ARHGEF10L: variants seen among roughly 807,000 people sequenced by gnomAD.
The protein encoded by ARHGEF10L is Rho guanine nucleotide exchange factor 10 like.
ARHGEF10L carries 69 observed loss-of-function variants against 141.2 expected under a neutral mutation model. That is an observed-to-expected ratio of 0.49 (90% CI 0.40 to 0.60). The LOEUF is 0.60. ARHGEF10L is among the 20% of genes least tolerant of loss of function. ARHGEF10L has a pLI of 0.00. For synonymous variants in ARHGEF10L, 711 were observed against 718.5 expected, an observed-to-expected ratio of 0.99 and a Z score of 0.17; for missense variants, 1,482 against 1,734.3, an observed-to-expected ratio of 0.85 and a Z score of 2.58.
In ARHGEF10L at chr1:17,623,110, G is replaced by A. The variant is rs148614735; in HGVS notation, c.1135G>A (p.Ala379Thr). The A allele has an allele frequency of 1.1e-5, 18 of 1,614,010 alleles. No individual in the cohort carries two copies. Among genetic ancestry groups the A allele is most frequent in the Non-Finnish European group, 1.4e-5 (16 of 1,180,020 alleles). ...GCACTGCCACTCCATGTTCCAGATC[G>A]CCCTGTCCTCCCGCGTGGCTGAGTG... ...ILHCHSMFQI[A>T]LSSRVAEWDS... Residue 379 changes from alanine (A) to threonine (T), a missense_variant, in exon 12 of 29, where the codon GCC (alanine) becomes ACC (threonine). This residue lies in a region of ARHGEF10L where 392 missense variants were observed against 542.1 expected (regional missense o/e 0.72). Coordinates refer to ENST00000361221, the MANE Select transcript of ARHGEF10L (RefSeq NM_018125.4). The surrounding 1 kb of genome is among the most constrained non-coding windows in gnomAD (Gnocchi z 4.7).
In ARHGEF10L at chr1:17,630,188, C is replaced by T. The variant is rs75362071; in HGVS notation, c.1585-2133C>T. Among the ~76,000 whole-genome samples the T allele has an allele frequency of 8.8e-3, 1,340 of 152,338 alleles. 15 individuals are homozygous for T. The highest frequency in any genetic ancestry group is 0.016 in the South Asian group (77 of 4,824). On this transcript the variant is annotated intron_variant, in intron 15 of 28. Transcript: ENST00000361221. ...TTAGTGATGTCCCTATCACCATCAC[C>T]CAGGGAGAAGCAGAAACGAAACTGG...
intron 2 of ARHGEF10L, 137 bp from the exon 3 acceptor site, chr1:17,587,323 G>C: frequency 2.3e-6 from 2 of 882,634 alleles, no homozygotes; most frequent in East Asian, 5.4e-5. Context: ...CATGTGGCTT[G>C]AGTTTGATGG....
chr1:17,537,922 T>C (rs959708570), upstream of ARHGEF10L, among the ~76,000 whole-genome samples: 5 of 145,138 alleles, frequency 3.4e-5, no homozygotes, highest in African/African-American at 1.3e-4. Context: ...CCTGGCAATA[T>C]AGGCACTACA....
At chr1:17,677,829 A>G (rs906057383) in intron 26 of ARHGEF10L, among the ~76,000 whole-genome samples, 20 of 152,170 alleles carry the variant, frequency 1.3e-4, no homozygotes, top group African/African-American at 4.8e-4. Context: ...CTGTGGGTTT[A>G]TTGTTTCTTG....
At chr1:17,686,816 ATTTGT>A (rs1319049336) in intron 26 of ARHGEF10L, among the ~76,000 whole-genome samples, 3 of 150,402 alleles carry the variant, frequency 2.0e-5, no homozygotes, top group Non-Finnish European at 4.4e-5. Context: ...AAAAGTTTTT[ATTTGT>A]TTTAAGATCA....
intron 25 of ARHGEF10L, among the ~76,000 whole-genome samples, chr1:17,660,313 G>T (rs1044166362): frequency 5.3e-5 from 8 of 152,312 alleles, no homozygotes; most frequent in Non-Finnish European, 1.2e-4. Context: ...TGGGCATCAG[G>T]CTGCCGGGAT....
At chr1:17,554,717 G>C (rs946214903) in intron 1 of ARHGEF10L, among the ~76,000 whole-genome samples, 3 of 151,508 alleles carry the variant, frequency 2.0e-5, no homozygotes, top group South Asian at 2.1e-4. Flanking sequence ...AGCGTACCGA[G>C]TAACTGGAGC....
chr1:17,616,214 C>A lies in ARHGEF10L; in HGVS notation c.835+12C>A, dbSNP rs376652065. Reference sequence around the variant, plus strand: ...GAAGGACGTCCTCGGTGAGGCGCTGCCCGAGCGGGAGGGTCTGGTGCCCAG... The same window carrying A: ...GAAGGACGTCCTCGGTGAGGCGCTGACCGAGCGGGAGGGTCTGGTGCCCAG... On this transcript the variant is annotated intron_variant, in intron 9 of 28. Coordinates refer to ENST00000361221, the MANE Select transcript of ARHGEF10L (RefSeq NM_018125.4). The A allele has an allele frequency of 6.2e-7, 1 of 1,609,638 alleles. No homozygotes were observed. The highest frequency in any genetic ancestry group is 8.5e-7 in the Non-Finnish European group (1 of 1,177,032).
chr1:17,559,830 G>C (rs2077477819), intron 1 of ARHGEF10L, among the ~76,000 whole-genome samples: 1 of 152,100 alleles, frequency 6.6e-6, no homozygotes, highest in Non-Finnish European at 1.5e-5. Context: ...GAGGGTGACT[G>C]TCCTCCTCCA....
intron 1 of ARHGEF10L, among the ~76,000 whole-genome samples, chr1:17,570,551 G>A (rs544558395): frequency 1.3e-5 from 2 of 151,934 alleles, no homozygotes; most frequent in Non-Finnish European, 2.9e-5. Context: ...GGGTTGTGGG[G>A]GCTCTGACAC....
intron 4 of ARHGEF10L, among the ~76,000 whole-genome samples, chr1:17,599,291 G>A (rs535413813): frequency 2.0e-5 from 3 of 151,156 alleles, no homozygotes; most frequent in East Asian, 2.0e-4. Flanking sequence ...AGCTGAGATC[G>A]TGCTGCTGCA....
chr1:17,697,266 C>T lies in ARHGEF10L; in HGVS notation c.3726C>T (p.Ser1242=), dbSNP rs759193821. 38 of 1,612,634 alleles carry T rather than the reference C, an allele frequency of 2.4e-5. No individual in the cohort carries two copies. The highest frequency in any genetic ancestry group is 2.9e-5 in the Non-Finnish European group (34 of 1,179,830). Residue 1242 remains serine, a synonymous_variant, in exon 29 of 29, where the codon TCC becomes TCT. Transcript: ENST00000361221. This position sits in a 1 kb window ranked among gnomAD's most constrained non-coding sequence, Gnocchi z 4.8. ...AGATTTGCTCTGTGGCCATCATCTC[C>T]GGCGGGCAGGGCTACCGCAACTTTG... ...RKEICSVAII[S]GGQGYRNFGS...
At chr1:17,605,318 G>C (rs1363927607) in intron 6 of ARHGEF10L, among the ~76,000 whole-genome samples, 1 of 152,130 alleles carries the variant, frequency 6.6e-6, no homozygotes, top group African/African-American at 2.4e-5. Context: ...GGGTCACACG[G>C]GGTCCTGACC....
intron 4 of ARHGEF10L, among the ~76,000 whole-genome samples, chr1:17,598,583 C>T (rs1376345264): frequency 6.6e-6 from 1 of 152,176 alleles, no homozygotes; most frequent in East Asian, 1.9e-4. Flanking sequence ...CTAATCCCAA[C>T]CATGGGGGCT....
chr1:17,519,192 A>G, the ARHGEF10L span, among the ~76,000 whole-genome samples: 1 of 151,000 alleles, frequency 6.6e-6, no homozygotes, highest in African/African-American at 2.4e-5. Flanking sequence ...AAAAGGCATC[A>G]GCATAATCAG....
intron 23 of ARHGEF10L, among the ~76,000 whole-genome samples, chr1:17,655,069 C>T (rs2062145284): frequency 6.6e-6 from 1 of 152,192 alleles, no homozygotes; most frequent in Non-Finnish European, 1.5e-5. Context: ...CCTACTCATG[C>T]AGACATTCCA....
intron 27 of ARHGEF10L, among the ~76,000 whole-genome samples, chr1:17,688,975 C>T (rs562479454): frequency 1.8e-4 from 27 of 152,226 alleles, no homozygotes; most frequent in African/African-American, 6.0e-4. Flanking sequence ...CCACCCTGCC[C>T]GGGCCTGAGG....
At chr1:17,645,571 G>C (rs1333317480) in intron 21 of ARHGEF10L, among the ~76,000 whole-genome samples, 2 of 152,058 alleles carry the variant, frequency 1.3e-5, no homozygotes, top group South Asian at 2.1e-4. Flanking sequence ...GTAGAGGTGA[G>C]GGTCTGCTTG....
chr1:17,554,273 C>A lies in ARHGEF10L; in HGVS notation c.-44+14323C>A, dbSNP rs141943453. On this transcript the variant is annotated intron_variant, in intron 1 of 28. Transcript: ENST00000361221. ...CAGGGAGGAACAGTGCTTAGCCCAC[C>A]ATTGGCCAGAGCTCAGCCTTGCCAA... Among the ~76,000 whole-genome samples, 1,412 of 152,162 alleles carry A rather than the reference C, an allele frequency of 9.3e-3. 22 individuals carry two copies. Among genetic ancestry groups the A allele is most frequent in the African/African-American group, 0.033 (1,360 of 41,524 alleles).
Sources: gnomAD v4.1 joint callset for allele counts (sites outside exome capture counted in the v4.1 genomes callset) on GRCh38, gnomAD v4.1.1 for gene constraint, gnomAD v4.1.1 regional missense constraint, Gnocchi (gnomAD v3.1) non-coding constraint, MANE v1.5 for transcripts, NCBI Gene and HGNC (gene_info 2026-07-23, HGNC 2026-07-21) for gene names.